DENND5A: variants seen among roughly 807,000 people sequenced by gnomAD.
The protein encoded by DENND5A is DENN domain containing 5A.
A neutral mutation model predicts 140.3 loss-of-function variants in DENND5A; 64 were observed. The observed-to-expected ratio is 0.46, with a 90% CI of 0.37 to 0.56. The LOEUF is 0.56. Among genes scored for constraint, DENND5A ranks in the 20% least tolerant of loss-of-function variants. DENND5A has a pLI of 0.00. For missense variants in DENND5A, 1,292 were observed against 1,593.8 expected, an observed-to-expected ratio of 0.81 and a Z score of 3.22; for synonymous variants, 605 against 607.7, an observed-to-expected ratio of 1.00 and a Z score of 0.07.
chr11:9,230,230 CTTTTTTTTT>C (rs71062817), intron 1 of DENND5A, among the ~76,000 whole-genome samples: 1 of 52,060 alleles, frequency 1.9e-5, no homozygotes, highest in African/African-American at 9.1e-5. Context: ...AAAACTAATG[CTTTTTTTTT>C]TTTTTTTTTT....
chr11:9,154,410 C>G (rs570502542), intron 12 of DENND5A, among the ~76,000 whole-genome samples: 1 of 152,118 alleles, frequency 6.6e-6, no homozygotes, highest in Admixed American at 6.5e-5. Flanking sequence ...TTAAGTTATA[C>G]TTTCTGAGGA....
chr11:9,226,342 C>T (rs905988362), intron 1 of DENND5A, among the ~76,000 whole-genome samples: 3 of 152,136 alleles, frequency 2.0e-5, no homozygotes, highest in Non-Finnish European at 4.4e-5. Flanking sequence ...GGTCAGGAGA[C>T]TCTCATTCAG....
chr11:9,193,581 C>T lies in DENND5A; in HGVS notation c.1050G>A (p.Leu350=). 6.2e-7 allele frequency: 1 copy of T among 1,613,988 alleles called. No individual in the cohort carries two copies. Among genetic ancestry groups the T allele is most frequent in the Non-Finnish European group, 8.5e-7 (1 of 1,179,972 alleles). ...ATGGAACAGGAGCATCTAAGAAATG[C>T]AGGAGAGAAGCTGGGAGAATAGGGA... ...VYVPILPASL[L]HFLDAPVPYL... Residue 350 remains leucine, a synonymous_variant, in exon 5 of 23, where the codon CTG becomes CTA. Coordinates refer to ENST00000328194, the MANE Select transcript of DENND5A (RefSeq NM_015213.4).
chr11:9,203,565 T>C, intron 4 of DENND5A, 95 bp downstream of exon 4: 7 of 1,414,830 alleles, frequency 4.9e-6, no homozygotes, highest in Middle Eastern at 3.7e-4. Context: ...CAAACTGTAA[T>C]AGCTCTTAAC....
chr11:9,143,034 T>C, intron 20 of DENND5A, 189 bp from the exon 21 acceptor site: 1 of 660,994 alleles, frequency 1.5e-6, no homozygotes, highest in South Asian at 2.1e-5. Context: ...GCTGAATAAA[T>C]GGATGAAAGA....
chr11:9,201,100 G>A (rs1849505383), intron 4 of DENND5A, among the ~76,000 whole-genome samples: 1 of 151,664 alleles, frequency 6.6e-6, no homozygotes, highest in Non-Finnish European at 1.5e-5. Context: ...AAAGGAGAAA[G>A]AAACACTCTT....
intron 1 of DENND5A, among the ~76,000 whole-genome samples, chr11:9,228,127 A>C (rs1850611677): frequency 6.6e-6 from 1 of 151,338 alleles, no homozygotes. Flanking sequence ...AAAAAAAAAA[A>C]AAAAACTTAC....
At chr11:9,209,674 C>A (rs1478361527) in intron 1 of DENND5A, among the ~76,000 whole-genome samples, 1 of 152,008 alleles carries the variant, frequency 6.6e-6, no homozygotes, top group African/African-American at 2.4e-5. Context: ...GTATGAGGGC[C>A]CTGAAAACAA....
rs1360816196 is a variant in DENND5A, at chr11:9,264,961, C to T, written c.109G>A (p.Ala37Thr). ...CGCCCCGGGCTCGGCGCGCACTCACCCGACAGCTCGTCCGGCTCCAGCCCG... is the reference window on the plus strand; with the variant it reads ...CGCCCCGGGCTCGGCGCGCACTCACTCGACAGCTCGTCCGGCTCCAGCCCG... ...ETGLEPDELS[A>T]LCQYIQASKA... Residue 37 changes from alanine (A) to threonine (T), a missense_variant and splice_region_variant, in exon 1 of 23, where the codon GCA becomes ACA. By Grantham distance (58) the Ala-to-Thr change is moderately conservative. This residue lies in a region of DENND5A where 566 missense variants were observed against 650.4 expected (regional missense o/e 0.87). Transcript: ENST00000328194. 6.3e-7 allele frequency: 1 copy of T among 1,578,004 alleles called. No individual in the cohort carries two copies. Among genetic ancestry groups the T allele is most frequent in the Admixed American group, 1.8e-5 (1 of 56,852 alleles).
chr11:9,252,723 T>A (rs1564943078), intron 1 of DENND5A, among the ~76,000 whole-genome samples: 1 of 152,142 alleles, frequency 6.6e-6, no homozygotes, highest in Non-Finnish European at 1.5e-5. Flanking sequence ...TCACTGGACA[T>A]TAGGCCATCT....
At chr11:9,174,122 A>AAG (rs1848471539) in intron 8 of DENND5A, among the ~76,000 whole-genome samples, 1 of 149,792 alleles carries the variant, frequency 6.7e-6, no homozygotes, top group Non-Finnish European at 1.5e-5. Flanking sequence ...AAAAAAAAAA[A>AAG]AAAAAAAGAA....
chr11:9,254,577 G>C (rs1485409609), intron 1 of DENND5A, among the ~76,000 whole-genome samples: 9 of 152,190 alleles, frequency 5.9e-5, no homozygotes, highest in Non-Finnish European at 1.3e-4. Flanking sequence ...GCTGCAGCTA[G>C]TAATCTGGGC....
chr11:9,207,663 C>A (rs764210869), intron 1 of DENND5A, 31 bp from the exon 2 acceptor site: 29 of 1,481,176 alleles, frequency 2.0e-5, no homozygotes, highest in Non-Finnish European at 2.6e-5. Flanking sequence ...CAGAGTATTA[C>A]AATAAAGCAG....
intron 1 of DENND5A, among the ~76,000 whole-genome samples, chr11:9,218,060 A>G (rs1228383174): frequency 6.6e-6 from 1 of 152,168 alleles, no homozygotes; most frequent in Admixed American, 6.5e-5. Flanking sequence ...TTCAAGACCA[A>G]CCTGGGCAAC....
chr11:9,214,275 C>T (rs1255749863), intron 1 of DENND5A, among the ~76,000 whole-genome samples: 1 of 152,196 alleles, frequency 6.6e-6, no homozygotes, highest in Non-Finnish European at 1.5e-5. Context: ...TTTCAATTCT[C>T]CCTATCTTCC....
chr11:9,157,491 A>C (rs1415007810), intron 12 of DENND5A, among the ~76,000 whole-genome samples: 1 of 151,608 alleles, frequency 6.6e-6, no homozygotes, highest in Non-Finnish European at 1.5e-5. Flanking sequence ...CCCACTCTCC[A>C]CTCTCAAGCA....
intron 10 of DENND5A, among the ~76,000 whole-genome samples, chr11:9,167,100 T>G (rs985540579): frequency 1.3e-5 from 2 of 152,098 alleles, no homozygotes; most frequent in Admixed American, 6.5e-5. Context: ...TGGTGATTCT[T>G]CTTCATATGT....
intron 10 of DENND5A, among the ~76,000 whole-genome samples, chr11:9,166,277 C>T (rs1262196395): frequency 6.6e-6 from 1 of 151,776 alleles, no homozygotes; most frequent in South Asian, 2.1e-4. Context: ...CGGGGTTTCA[C>T]CATGTTAGCC....
chr11:9,240,990 T>C (rs928462838), intron 1 of DENND5A, among the ~76,000 whole-genome samples: 10 of 152,216 alleles, frequency 6.6e-5, no homozygotes, highest in Non-Finnish European at 1.2e-4. Flanking sequence ...AATAGTTGTC[T>C]TGACAGAGAC....
Sources: allele counts gnomAD v4.1 joint callset (sites outside exome capture counted in the v4.1 genomes callset), GRCh38; gene constraint gnomAD v4.1.1; regional missense constraint gnomAD v4.1.1; transcripts MANE v1.5; gene names NCBI Gene and HGNC (gene_info 2026-07-23, HGNC 2026-07-21).